Variants in SSH2 observed in about 807,000 individuals in gnomAD.
SSH2 encodes the protein protein phosphatase Slingshot homolog 2.
In SSH2, 37 loss-of-function variants were observed where a neutral mutation model predicts 135.2. The ratio of observed to expected loss-of-function variants is 0.27; its 90% CI spans 0.21 to 0.36. The LOEUF is 0.36. SSH2 is among the 10% of genes least tolerant of loss of function. SSH2 has a pLI of 1.00. For synonymous variants in SSH2, 628 were observed against 646.2 expected (o/e 0.97, Z 0.43); for missense variants, 1,408 against 1,765.3 (o/e 0.80, Z 3.63).
intron 1 of SSH2, among the ~76,000 whole-genome samples, chr17:29,908,371 T>C (rs987646415): frequency 6.6e-6 from 1 of 151,996 alleles, no homozygotes; most frequent in Non-Finnish European, 1.5e-5. Context: ...CGTAGGAGGA[T>C]CACTTGGGCC....
At chr17:29,888,033 T>C (rs2066273777) in intron 1 of SSH2, among the ~76,000 whole-genome samples, 1 of 152,092 alleles carries the variant, frequency 6.6e-6, no homozygotes, top group South Asian at 2.1e-4. Flanking sequence ...GCCCAGGAGT[T>C]TGAGACCAGC....
At chr17:29,642,080 C>T (rs566585077) in intron 14 of SSH2, among the ~76,000 whole-genome samples, 6 of 152,060 alleles carry the variant, frequency 3.9e-5, no homozygotes, top group Middle Eastern at 3.4e-3. Flanking sequence ...TGATGTGCAT[C>T]GCCCAAGATG....
intron 3 of SSH2, among the ~76,000 whole-genome samples, chr17:29,736,316 A>G (rs2040362549): frequency 6.6e-6 from 1 of 152,196 alleles, no homozygotes; most frequent in African/African-American, 2.4e-5. Context: ...AGCTACCCAG[A>G]GCATGCCATT....
chr17:29,673,378 T>C (rs1361249896), intron 8 of SSH2, among the ~76,000 whole-genome samples: 1 of 151,994 alleles, frequency 6.6e-6, no homozygotes, highest in Non-Finnish European at 1.5e-5. Flanking sequence ...GAGATCAGCC[T>C]AACCAACATG....
intron 1 of SSH2, among the ~76,000 whole-genome samples, chr17:29,908,730 C>T (rs1487221932): frequency 3.0e-5 from 4 of 135,300 alleles, no homozygotes; most frequent in Non-Finnish European, 6.1e-5. Context: ...CGCCACTGCA[C>T]TCCAGTTTGG....
At chr17:29,738,278 T>C (rs1048080584) in intron 3 of SSH2, among the ~76,000 whole-genome samples, 3 of 152,138 alleles carry the variant, frequency 2.0e-5, no homozygotes, top group Non-Finnish European at 2.9e-5. Context: ...TATGGCTGCA[T>C]AGTATTCCAT....
chr17:29,747,326 G>C (rs1285846376), intron 3 of SSH2, among the ~76,000 whole-genome samples: 1 of 152,200 alleles, frequency 6.6e-6, no homozygotes, highest in Non-Finnish European at 1.5e-5. Context: ...TTATTTAGGA[G>C]TGATTCAAAC....
At chr17:29,813,082 A>C (rs1484734374) in intron 2 of SSH2, among the ~76,000 whole-genome samples, 1 of 151,944 alleles carries the variant, frequency 6.6e-6, no homozygotes, top group African/African-American at 2.4e-5. Context: ...AAAAAGATAA[A>C]CACCAATAAA....
At chr17:29,853,232 G>A (rs955158471) in intron 1 of SSH2, among the ~76,000 whole-genome samples, 2 of 151,542 alleles carry the variant, frequency 1.3e-5, no homozygotes, top group Non-Finnish European at 2.9e-5. Flanking sequence ...GACTACAGGT[G>A]CACACCACAA....
At chr17:29,878,041 T>C (rs1447930489) in intron 1 of SSH2, among the ~76,000 whole-genome samples, 1 of 151,974 alleles carries the variant, frequency 6.6e-6, no homozygotes, top group East Asian at 1.9e-4. Flanking sequence ...GCCAAGATCA[T>C]GCCACTGCAC....
chr17:29,776,024 C>T (rs1053496313), intron 3 of SSH2: 1 of 152,252 alleles, frequency 6.6e-6, no homozygotes, highest in African/African-American at 2.4e-5. Flanking sequence ...CTCTGTTGCC[C>T]TAAAGGTTGA....
chr17:29,794,654 C>T (rs2042127118), intron 2 of SSH2, among the ~76,000 whole-genome samples: 1 of 152,106 alleles, frequency 6.6e-6, no homozygotes, highest in African/African-American at 2.4e-5. Flanking sequence ...TTTATTTCTT[C>T]TTAGTGTGGC....
chr17:29,718,346 T>C (rs2039698605), intron 3 of SSH2, among the ~76,000 whole-genome samples: 1 of 152,218 alleles, frequency 6.6e-6, no homozygotes, highest in Non-Finnish European at 1.5e-5. Context: ...GCCACACTTA[T>C]GGCTATCACC....
chr17:29,741,642 T>C (rs541428752), intron 3 of SSH2, among the ~76,000 whole-genome samples: 165 of 150,878 alleles, frequency 1.1e-3, no homozygotes, highest in African/African-American at 3.9e-3. Flanking sequence ...TGAGACATTG[T>C]TTTGTTCTTC....
chr17:29,698,007 G>A (rs1287752565), intron 4 of SSH2, among the ~76,000 whole-genome samples: 1 of 152,080 alleles, frequency 6.6e-6, no homozygotes, highest in Non-Finnish European at 1.5e-5. Context: ...ATATTATTTG[G>A]TCATAAAAAG....
intron 12 of SSH2, 75 bp downstream of exon 12, chr17:29,655,486 T>A (rs2036745672): frequency 7.4e-7 from 1 of 1,353,750 alleles, no homozygotes; most frequent in Admixed American, 1.7e-5. Context: ...CACTGATACC[T>A]CTTTGATGGG....
At chr17:29,801,624 G>A (rs1331076794) in intron 2 of SSH2, among the ~76,000 whole-genome samples, 1 of 152,082 alleles carries the variant, frequency 6.6e-6, no homozygotes, top group Non-Finnish European at 1.5e-5. Flanking sequence ...TCATTTTTGC[G>A]ACACTACCAG....
intron 14 of SSH2, among the ~76,000 whole-genome samples, chr17:29,644,237 T>A (rs2036282750): frequency 6.6e-6 from 1 of 152,182 alleles, no homozygotes; most frequent in South Asian, 2.1e-4. Context: ...GTTTGGCTAT[T>A]GGGGAGTTCT....
intron 5 of SSH2, among the ~76,000 whole-genome samples, chr17:29,685,231 A>AT (rs1189659072): frequency 1.3e-5 from 2 of 152,174 alleles, no homozygotes; most frequent in Non-Finnish European, 2.9e-5. Flanking sequence ...GAAACTTCTC[A>AT]TTTTTTGTCA....
Sources: gnomAD v4.1 joint callset for allele counts (sites outside exome capture counted in the v4.1 genomes callset) on GRCh38, gnomAD v4.1.1 for gene constraint, MANE v1.5 for transcripts, NCBI Gene and HGNC (gene_info 2026-07-23, HGNC 2026-07-21) for gene names.